P4HA1: variants seen among roughly 807,000 people sequenced by gnomAD.
The protein encoded by P4HA1 is prolyl 4-hydroxylase subunit alpha 1, also known as prolyl 4-hydroxylase subunit alpha-1.
Under a neutral mutation model 72.8 loss-of-function variants are expected in P4HA1, and 24 were observed. That is an observed-to-expected ratio of 0.33 (90% CI 0.24 to 0.46). The LOEUF is 0.46. Among genes scored for constraint, P4HA1 ranks in the 20% least tolerant of loss-of-function variants. P4HA1 has a pLI of 1.00. For missense variants in P4HA1, 446 were observed against 640.6 expected, an observed-to-expected ratio of 0.70 and a Z score of 3.28; for synonymous variants, 201 against 218.8, an observed-to-expected ratio of 0.92 and a Z score of 0.72.
chr10:73,039,283 CTTA>C (rs1190565006), intron 9 of P4HA1, among the ~76,000 whole-genome samples: 2 of 141,498 alleles, frequency 1.4e-5, no homozygotes, highest in African/African-American at 2.9e-5. Flanking sequence ...GACCCTGCCT[CTTA>C]AAAAAAAAAA....
intron 1 of P4HA1, among the ~76,000 whole-genome samples, chr10:73,091,658 A>G (rs936696128): frequency 1.3e-5 from 2 of 152,260 alleles, no homozygotes; most frequent in South Asian, 4.1e-4. Context: ...TAATTTTATG[A>G]CTTGTATGAT....
At position 73,045,805 on chromosome 10, in the gene P4HA1, C is replaced by T. The variant is rs187219635; in HGVS notation, c.1078-754G>A. 6.6e-4 allele frequency among the ~76,000 whole-genome samples: 99 copies of T among 150,532 alleles called. 1 individual carries two copies. The highest frequency in any genetic ancestry group is 5.9e-5 in the Non-Finnish European group (4 of 67,732). ...CTCCAAGTTGAAATGAATTAATTAC[C>T]TTGGATGGCACCAATAATATATATT... On this transcript the variant is annotated intron_variant, in intron 8 of 14. Transcript: ENST00000394890.
At chr10:73,020,531 A>G (rs757481032) in intron 10 of P4HA1, among the ~76,000 whole-genome samples, 3 of 152,198 alleles carry the variant, frequency 2.0e-5, no homozygotes, top group Non-Finnish European at 4.4e-5. Flanking sequence ...AATTATTCCA[A>G]AAGATTGAGA....
chr10:73,035,203 C>G (rs1840540868), intron 9 of P4HA1, among the ~76,000 whole-genome samples: 1 of 151,824 alleles, frequency 6.6e-6, no homozygotes. Context: ...CTTTATATTC[C>G]CATCCCTCAC....
At chr10:73,043,767 T>A (rs1249373440) in intron 9 of P4HA1, 1 of 768,660 alleles carries the variant, frequency 1.3e-6, no homozygotes, top group Non-Finnish European at 2.3e-6. Flanking sequence ...ACAGATATTA[T>A]CAAACATCTA....
At chr10:73,014,344 C>T in intron 11 of P4HA1, 55 bp from the exon 12 acceptor site, 1 of 1,256,790 alleles carries the variant, frequency 8.0e-7, no homozygotes, top group Non-Finnish European at 1.2e-6. Flanking sequence ...AATACAAATA[C>T]TCTAGTGGCA....
chr10:73,087,339 T>C (rs1479718448), intron 1 of P4HA1, among the ~76,000 whole-genome samples: 1 of 151,030 alleles, frequency 6.6e-6, no homozygotes, highest in Non-Finnish European at 1.5e-5. Context: ...CACAATCTTG[T>C]CTCACTGCAA....
chr10:73,028,307 AACACACACACACACACACACAC>A lies in P4HA1; in HGVS notation c.1248+1942_1248+1963del, dbSNP rs10561551. 4.3e-3 allele frequency among the ~76,000 whole-genome samples: 622 copies of A among 143,760 alleles called. 9 individuals are homozygous for A. The highest frequency in any genetic ancestry group is 0.014 in the African/African-American group (555 of 39,208). The allele number at this position is 143,760 out of a possible 152,430, so 94.3% of individuals were successfully genotyped here. ...ATGGCATCAAACCGTGTCACTGTAA[AACACACACACACACACACACAC>A]ACACACACACACACACAAAATACAT... On this transcript the variant is annotated intron_variant, in intron 10 of 14. Coordinates refer to ENST00000394890, the MANE Select transcript of P4HA1 (RefSeq NM_001017962.3).
At position 73,053,286 on chromosome 10, in the gene P4HA1, A is replaced by AG. The variant is rs1841060493; in HGVS notation, c.703+64dup. On this transcript the variant is annotated intron_variant, in intron 6 of 14. Transcript: ENST00000394890. ...TACCATATATAAATGAGGGAAAGACAGAAAAATAGAGAATATATATCCCTC... is the reference window on the plus strand; with the variant it reads ...TACCATATATAAATGAGGGAAAGACAGGAAAAATAGAGAATATATATCCCTC... 5.4e-6 allele frequency: 8 copies of AG among 1,478,514 alleles called. No individual in the cohort carries two copies. In the East Asian group the frequency reaches 1.8e-4, roughly 34 times the overall value. 91.6% of individuals were successfully genotyped at this position (1,478,514 alleles called of 1,614,324 possible).
chr10:73,062,755 A>G (rs1181227578), intron 5 of P4HA1, among the ~76,000 whole-genome samples: 2 of 152,350 alleles, frequency 1.3e-5, no homozygotes, highest in Middle Eastern at 3.4e-3. Flanking sequence ...TGCTAACAGA[A>G]AAGGCATTTA....
At chr10:73,073,355 G>A (rs1258802089) in intron 3 of P4HA1, among the ~76,000 whole-genome samples, 4 of 151,502 alleles carry the variant, frequency 2.6e-5, no homozygotes, top group African/African-American at 9.7e-5. Flanking sequence ...CCAAGCAGCT[G>A]GGATTACAGG....
chr10:73,018,679 TAA>T, intron 10 of P4HA1, among the ~76,000 whole-genome samples: 1 of 152,128 alleles, frequency 6.6e-6, no homozygotes, highest in East Asian at 1.9e-4. Flanking sequence ...GAGTTGCCAC[TAA>T]GCCCTATTGG....
At position 73,039,901 on chromosome 10, in the gene P4HA1, A is replaced by AC. The variant is rs1287315290; in HGVS notation, c.1148+5079dup. Among the ~76,000 whole-genome samples the AC allele has an allele frequency of 2.6e-5, 3 of 117,542 alleles. No homozygotes were observed. The Admixed American group carries it at 3.4e-4, about 13-fold the overall frequency. The allele number at this position is 117,542 out of a possible 152,430, so 77.1% of individuals were successfully genotyped here. A position where few individuals can be genotyped will look rare whatever the true frequency, so the allele number is the denominator to read the frequency against. On this transcript the variant is annotated intron_variant, in intron 9 of 14. Transcript: ENST00000394890. ...TTTGAGACAGAGTTTTTGCTCTGTCACCCAGCCTGGAGTGCAGTGGTGCAA... is the reference window on the plus strand; with the variant it reads ...TTTGAGACAGAGTTTTTGCTCTGTCACCCCAGCCTGGAGTGCAGTGGTGCAA...
intron 12 of P4HA1, among the ~76,000 whole-genome samples, chr10:73,014,023 G>C (rs533974399): frequency 2.0e-5 from 3 of 152,246 alleles, no homozygotes; most frequent in African/African-American, 7.2e-5. Context: ...TTCTAAGTTT[G>C]TCCAGAAGTT....
At chr10:73,019,151 A>G (rs924438992) in intron 10 of P4HA1, among the ~76,000 whole-genome samples, 1 of 152,116 alleles carries the variant, frequency 6.6e-6, no homozygotes, top group Non-Finnish European at 1.5e-5. Context: ...CACAGCTACC[A>G]CCACTGCAAA....
chr10:73,067,351 T>C (rs1481723081), intron 5 of P4HA1, among the ~76,000 whole-genome samples: 1 of 152,204 alleles, frequency 6.6e-6, no homozygotes, highest in Non-Finnish European at 1.5e-5. Flanking sequence ...CCAATCTCCA[T>C]TCGGCAGCCA....
At chr10:73,083,371 G>A (rs1269009511) in intron 1 of P4HA1, among the ~76,000 whole-genome samples, 3 of 152,152 alleles carry the variant, frequency 2.0e-5, no homozygotes, top group African/African-American at 4.8e-5. Context: ...CTGTACTAGG[G>A]TAGTGAACTG....
intron 5 of P4HA1, among the ~76,000 whole-genome samples, chr10:73,054,447 A>G (rs544691248): frequency 8.5e-5 from 13 of 152,342 alleles, no homozygotes; most frequent in African/African-American, 2.4e-4. Context: ...GAAACCCTGT[A>G]ACCATTAACA....
At chr10:73,025,297 C>A (rs1230234413) in intron 10 of P4HA1, among the ~76,000 whole-genome samples, 1 of 152,164 alleles carries the variant, frequency 6.6e-6, no homozygotes, top group African/African-American at 2.4e-5. Context: ...CCCTGGGATG[C>A]AAGGCTGGTT....
Sources: allele counts gnomAD v4.1 joint callset (sites outside exome capture counted in the v4.1 genomes callset), GRCh38; gene constraint gnomAD v4.1.1; transcripts MANE v1.5; gene names NCBI Gene and HGNC (gene_info 2026-07-23, HGNC 2026-07-21).